SPATA16: variants seen among roughly 807,000 people sequenced by gnomAD.
SPATA16 encodes the protein spermatogenesis-associated protein 16.
SPATA16 carries 36 observed loss-of-function variants against 63.3 expected under a neutral mutation model. That is an observed-to-expected ratio of 0.57 (90% CI 0.44 to 0.75). SPATA16 has a LOEUF of 0.75. Among genes scored for constraint, SPATA16 ranks in the 30% least tolerant of loss-of-function variants. The pLI is 0.00. For missense variants in SPATA16, 646 were observed against 679.3 expected, an observed-to-expected ratio of 0.95 and a Z score of 0.54; for synonymous variants, 203 against 216.7, an observed-to-expected ratio of 0.94 and a Z score of 0.56.
rs1264364588 is a variant in SPATA16, at chr3:173,117,754, A to G, written c.-18-5T>C. 2 of 1,613,944 alleles carry G rather than the reference A, an allele frequency of 1.2e-6. No individual in the cohort carries two copies. Among genetic ancestry groups the G allele is most frequent in the Non-Finnish European group, 1.7e-6 (2 of 1,179,960 alleles). On this transcript the variant is annotated splice_polypyrimidine_tract_variant and splice_region_variant and intron_variant, in intron 1 of 10. Coordinates refer to ENST00000351008, the MANE Select transcript of SPATA16 (RefSeq NM_031955.6). ...CATCGATCCTGCCCAAAACTCCTGC[A>G]GGGGGGAGAAAAAGGAAAGTAATTA... is the stretch of plus-strand genomic sequence containing the variant.
chr3:173,069,514 G>A (rs1284322863), intron 2 of SPATA16, among the ~76,000 whole-genome samples: 1 of 152,152 alleles, frequency 6.6e-6, no homozygotes, highest in East Asian at 1.9e-4. Context: ...TCAAAGAAAA[G>A]CCCAGGACCT....
At chr3:172,968,974 C>T (rs1325486558) in intron 5 of SPATA16, among the ~76,000 whole-genome samples, 7 of 152,210 alleles carry the variant, frequency 4.6e-5, no homozygotes. Context: ...TTTTACCTCT[C>T]ACCTCAATTT....
intron 6 of SPATA16, among the ~76,000 whole-genome samples, chr3:172,939,495 A>C (rs1733093933): frequency 6.6e-6 from 1 of 152,192 alleles, no homozygotes; most frequent in Non-Finnish European, 1.5e-5. Context: ...CTGCAAACCC[A>C]AAATCTTATG....
chr3:172,907,499 A>C (rs569475184), intron 10 of SPATA16, among the ~76,000 whole-genome samples: 2 of 151,634 alleles, frequency 1.3e-5, no homozygotes, highest in East Asian at 3.9e-4. Context: ...TACTACTCTC[A>C]TTCATTCAGC....
In SPATA16 at chr3:173,027,973, T is replaced by TTCTC. The variant is rs1560100836; in HGVS notation, c.759-8402_759-8399dup. 5.2e-3 allele frequency among the ~76,000 whole-genome samples: 441 copies of TTCTC among 84,818 alleles called. 9 individuals carry two copies. Among genetic ancestry groups the TTCTC allele is most frequent in the African/African-American group, 0.018 (406 of 22,390 alleles). The allele number at this position is 84,818 out of a possible 152,430, so 55.6% of individuals were successfully genotyped here. A position where few individuals can be genotyped will look rare whatever the true frequency, so the allele number is the denominator to read the frequency against. ...AGGGATTAGGGAACAAATTTATTTT[T>TTCTC]TCTCCCTCCCTCCCTCCCTCCCTCC... On this transcript the variant is annotated intron_variant, in intron 3 of 10. Coordinates refer to ENST00000351008, the MANE Select transcript of SPATA16 (RefSeq NM_031955.6).
At chr3:173,032,969 A>C (rs1196011452) in intron 3 of SPATA16, among the ~76,000 whole-genome samples, 1 of 152,152 alleles carries the variant, frequency 6.6e-6, no homozygotes, top group Non-Finnish European at 1.5e-5. Flanking sequence ...CATGAATGAG[A>C]TCTACATCTC....
At chr3:173,036,272 T>C (rs1735713576) in intron 3 of SPATA16, among the ~76,000 whole-genome samples, 1 of 152,046 alleles carries the variant, frequency 6.6e-6, no homozygotes, top group Non-Finnish European at 1.5e-5. Flanking sequence ...TGACAGTATA[T>C]ATTGCTAGTG....
At chr3:172,951,254 A>G (rs1416248857) in intron 6 of SPATA16, among the ~76,000 whole-genome samples, 2 of 152,090 alleles carry the variant, frequency 1.3e-5, no homozygotes, top group African/African-American at 4.8e-5. Flanking sequence ...TTATAATACG[A>G]CTTTAAGATT....
At chr3:172,931,208 A>G (rs533590578) in intron 6 of SPATA16, among the ~76,000 whole-genome samples, 1 of 152,258 alleles carries the variant, frequency 6.6e-6, no homozygotes, top group East Asian at 1.9e-4. Context: ...GACAACTCTT[A>G]ATCCTCTTCA....
At chr3:173,001,735 A>G (rs1734833806) in intron 4 of SPATA16, among the ~76,000 whole-genome samples, 2 of 152,014 alleles carry the variant, frequency 1.3e-5, no homozygotes, top group African/African-American at 2.4e-5. Flanking sequence ...TGTCTCTCCA[A>G]TTTTGGGGGC....
Position 173,094,676 on chromosome 3 carries a change from T to G in SPATA16, c.612+22444A>C, listed in dbSNP as rs551891028. On this transcript the variant is annotated intron_variant, in intron 2 of 10. Transcript: ENST00000351008. ...GATGCAAATAAGGTGTTATGGGAGT[T>G]GTTTTTTTTTTTTTTTTTTGGCTTT... is the stretch of plus-strand genomic sequence containing the variant. Among the ~76,000 whole-genome samples the G allele has an allele frequency of 2.9e-3, 412 of 143,098 alleles. 3 individuals are homozygous for G. Among genetic ancestry groups the G allele is most frequent in the African/African-American group, 0.01 (394 of 37,846 alleles). 93.9% of individuals were successfully genotyped at this position (143,098 alleles called of 152,430 possible).
intron 2 of SPATA16, among the ~76,000 whole-genome samples, chr3:173,083,589 T>C (rs1432811571): frequency 2.0e-5 from 3 of 152,120 alleles, no homozygotes; most frequent in Admixed American, 6.6e-5. Context: ...GATCATCCCA[T>C]CTCCTAGGTA....
Position 173,075,790 on chromosome 3 carries a change from G to A in SPATA16, c.613-26696C>T, listed in dbSNP as rs78524366. On this transcript the variant is annotated intron_variant, in intron 2 of 10. Coordinates refer to ENST00000351008, the MANE Select transcript of SPATA16 (RefSeq NM_031955.6). Reference sequence around the variant, plus strand: ...GCTGGTGTGGGTAGTGGGGATGGAAGGATAAAGAGGGATGGTTAGTGCATA... The same window carrying A: ...GCTGGTGTGGGTAGTGGGGATGGAAAGATAAAGAGGGATGGTTAGTGCATA... 4.9e-3 allele frequency among the ~76,000 whole-genome samples: 750 copies of A among 152,196 alleles called. 5 individuals are homozygous for A. The highest frequency in any genetic ancestry group is 0.017 in the African/African-American group (718 of 41,530).
chr3:173,068,672 A>G (rs1473369609), intron 2 of SPATA16, among the ~76,000 whole-genome samples: 1 of 152,146 alleles, frequency 6.6e-6, no homozygotes. Context: ...ACTAAAACCT[A>G]TGCAATACAG....
At chr3:173,037,238 C>T (rs1735733910) in intron 3 of SPATA16, among the ~76,000 whole-genome samples, 1 of 151,862 alleles carries the variant, frequency 6.6e-6, no homozygotes, top group South Asian at 2.1e-4. Context: ...ACTAAAATAC[C>T]CTCTCTGCCT....
At chr3:173,128,987 A>G (rs1009041988) in intron 1 of SPATA16, among the ~76,000 whole-genome samples, 4 of 152,262 alleles carry the variant, frequency 2.6e-5, no homozygotes, top group Admixed American at 1.3e-4. Flanking sequence ...CAGAGGCTGC[A>G]TTAGCTGTTG....
intron 2 of SPATA16, among the ~76,000 whole-genome samples, chr3:173,065,645 C>T (rs1317664065): frequency 6.6e-6 from 1 of 152,198 alleles, no homozygotes; most frequent in Non-Finnish European, 1.5e-5. Context: ...TACACCACTC[C>T]TCCTCCAACC....
chr3:173,062,071 A>G (rs1423008241), intron 2 of SPATA16, among the ~76,000 whole-genome samples: 1 of 101,744 alleles, frequency 9.8e-6, no homozygotes, highest in Non-Finnish European at 1.9e-5. Context: ...TTTTTTTGCC[A>G]GGTAGCCTTA....
At chr3:172,893,182 G>A (rs1365871872) in intron 10 of SPATA16, among the ~76,000 whole-genome samples, 1 of 152,174 alleles carries the variant, frequency 6.6e-6, no homozygotes, top group Non-Finnish European at 1.5e-5. Flanking sequence ...ATAACCCCCA[G>A]TACTTTAGAA....
Sources: gnomAD v4.1 joint callset for allele counts (sites outside exome capture counted in the v4.1 genomes callset) on GRCh38, gnomAD v4.1.1 for gene constraint, MANE v1.5 for transcripts, NCBI Gene and HGNC (gene_info 2026-07-23, HGNC 2026-07-21) for gene names.